Variants in CYP2C19 observed in about 807,000 individuals in gnomAD.
CYP2C19 encodes the protein cytochrome P450 2C19.
In CYP2C19, 59 loss-of-function variants were observed where a neutral mutation model predicts 40.9. The ratio of observed to expected loss-of-function variants is 1.44; its 90% CI spans 1.17 to 1.79. The LOEUF is 1.79. Among genes scored for constraint, CYP2C19 ranks in the 40% most tolerant of loss-of-function variants. The pLI, the probability that CYP2C19 is intolerant of heterozygous loss-of-function variation, is 0.00. For missense variants in CYP2C19, 754 were observed against 596.9 expected, an observed-to-expected ratio of 1.26 and a Z score of -2.74; for synonymous variants, 253 against 208.7, an observed-to-expected ratio of 1.21 and a Z score of -1.83.
chr10:94,812,089 G>A (rs1848934858), intron 5 of CYP2C19, among the ~76,000 whole-genome samples: 1 of 152,140 alleles, frequency 6.6e-6, no homozygotes, highest in Non-Finnish European at 1.5e-5. Context: ...AAATCCCTCA[G>A]CATTTGCTTG....
chr10:94,833,377 T>A (rs572172819), intron 6 of CYP2C19, among the ~76,000 whole-genome samples: 1 of 152,208 alleles, frequency 6.6e-6, no homozygotes, highest in African/African-American at 2.4e-5. Context: ...CCACTCAGTA[T>A]GGTACTAGTA....
chr10:94,802,513 C>T (rs1171817012), intron 5 of CYP2C19, among the ~76,000 whole-genome samples: 2 of 152,016 alleles, frequency 1.3e-5, no homozygotes, highest in Non-Finnish European at 2.9e-5. Flanking sequence ...ATACAGCACA[C>T]CAATAGGTCT....
chr10:94,806,641 TATA>T lies in CYP2C19; in HGVS notation c.820-13849_820-13847del, dbSNP rs563879633. Among the ~76,000 whole-genome samples the T allele has an allele frequency of 3.1e-3, 464 of 148,032 alleles. 3 individuals are homozygous for T. The highest frequency in any genetic ancestry group is 0.011 in the African/African-American group (437 of 40,940). ...TTAATAATTTATAAATATTACAAAT[TATA>T]ATAATGCAAATGTATAATAGTAAAA... On this transcript the variant is annotated intron_variant, in intron 5 of 8. Transcript: ENST00000371321.
At chr10:94,831,798 T>G (rs56803012) in intron 6 of CYP2C19, among the ~76,000 whole-genome samples, 1 of 152,208 alleles carries the variant, frequency 6.6e-6, no homozygotes, top group Non-Finnish European at 1.5e-5. Context: ...ATATTCTGGT[T>G]ATTAATCTCT....
intron 5 of CYP2C19, among the ~76,000 whole-genome samples, chr10:94,799,200 G>T (rs529780692): frequency 6.6e-6 from 1 of 151,882 alleles, no homozygotes; most frequent in East Asian, 1.9e-4. Context: ...CAGGCCTGGT[G>T]GTCACAAAAT....
chr10:94,814,204 C>G (rs928423998), intron 5 of CYP2C19, among the ~76,000 whole-genome samples: 3 of 151,708 alleles, frequency 2.0e-5, no homozygotes, highest in Non-Finnish European at 2.9e-5. Flanking sequence ...TCGCTGGGAG[C>G]TGCTGACTGG....
At chr10:94,804,031 A>G in intron 5 of CYP2C19, among the ~76,000 whole-genome samples, 1 of 152,102 alleles carries the variant, frequency 6.6e-6, no homozygotes, top group East Asian at 1.9e-4. Flanking sequence ...TGGAGCACAG[A>G]GGGTCCTTCT....
At chr10:94,816,786 A>G (rs1231411162) in intron 5 of CYP2C19, among the ~76,000 whole-genome samples, 2 of 144,758 alleles carry the variant, frequency 1.4e-5, no homozygotes, top group African/African-American at 5.1e-5. Context: ...TGTCCATGTG[A>G]TCTCATTGTT....
At chr10:94,818,921 A>G (rs1489413934) in intron 5 of CYP2C19, among the ~76,000 whole-genome samples, 1 of 152,086 alleles carries the variant, frequency 6.6e-6, no homozygotes, top group African/African-American at 2.4e-5. Flanking sequence ...GAACTTCCAA[A>G]TCAACAGAAT....
intron 4 of CYP2C19, among the ~76,000 whole-genome samples, chr10:94,780,934 T>A (rs17884938): frequency 0.014 from 2,085 of 152,280 alleles, 53 homozygotes; most frequent in African/African-American, 0.046. Context: ...TAAAGTACTT[T>A]GGTGACAGCC....
intron 5 of CYP2C19, among the ~76,000 whole-genome samples, chr10:94,790,405 G>T (rs1848591168): frequency 6.6e-6 from 1 of 152,066 alleles, no homozygotes. Flanking sequence ...GGTGAGAGAG[G>T]GCATCCTTGT....
chr10:94,820,381 A>G, intron 5 of CYP2C19, 115 bp from the exon 6 acceptor site: 8 of 1,210,718 alleles, frequency 6.6e-6, no homozygotes, highest in South Asian at 2.7e-5. Flanking sequence ...TTTTTCTAGT[A>G]CTATACTTTA....
At chr10:94,826,534 T>C (rs1189433464) in intron 6 of CYP2C19, among the ~76,000 whole-genome samples, 56 of 152,154 alleles carry the variant, frequency 3.7e-4, no homozygotes, top group Admixed American at 2.0e-4. Context: ...GCTGAAGTTG[T>C]TTATCAGCTT....
At chr10:94,818,965 C>G (rs1399966575) in intron 5 of CYP2C19, among the ~76,000 whole-genome samples, 1 of 151,644 alleles carries the variant, frequency 6.6e-6, no homozygotes, top group Admixed American at 6.6e-5. Context: ...CACACCTATT[C>G]CAAAATTGAC....
At chr10:94,773,752 T>C (rs1325044300) in intron 1 of CYP2C19, 1 of 152,246 alleles carries the variant, frequency 6.6e-6, no homozygotes, top group East Asian at 1.9e-4. Flanking sequence ...GTGTTACAGC[T>C]CATAAAGGTA....
intron 7 of CYP2C19, among the ~76,000 whole-genome samples, chr10:94,845,625 T>C (rs1217732011): frequency 6.6e-6 from 1 of 152,180 alleles, no homozygotes; most frequent in East Asian, 1.9e-4. Context: ...ATCAATGACA[T>C]GTTTCAAATT....
intron 5 of CYP2C19, among the ~76,000 whole-genome samples, chr10:94,806,035 C>T (rs1447839193): frequency 3.3e-5 from 5 of 152,008 alleles, no homozygotes; most frequent in Admixed American, 6.6e-5. Context: ...CCACCCCCAC[C>T]TCAAATGATA....
intron 7 of CYP2C19, 96 bp from the exon 8 acceptor site, chr10:94,849,821 T>C: frequency 6.9e-7 from 1 of 1,453,534 alleles, no homozygotes; most frequent in Non-Finnish European, 9.6e-7. Context: ...TGTTTCATCA[T>C]CTGTACATCA....
At chr10:94,817,671 T>A (rs1280565019) in intron 5 of CYP2C19, among the ~76,000 whole-genome samples, 1 of 150,980 alleles carries the variant, frequency 6.6e-6, no homozygotes, top group Non-Finnish European at 1.5e-5. Context: ...ATGTCCTGAA[T>A]GGTAATGCCT....
Sources: allele counts gnomAD v4.1 joint callset (sites outside exome capture counted in the v4.1 genomes callset), GRCh38; gene constraint gnomAD v4.1.1; transcripts MANE v1.5; gene names NCBI Gene and HGNC (gene_info 2026-07-23, HGNC 2026-07-21).